The following SPATA16 variants were observed in gnomAD, a reference collection of about 807,000 sequenced individuals.
The protein encoded by SPATA16 is spermatogenesis associated 16.
A neutral mutation model predicts 63.3 loss-of-function variants in SPATA16; 36 were observed. The observed-to-expected ratio is 0.57, with a 90% CI of 0.44 to 0.75. The LOEUF (loss-of-function observed/expected upper bound fraction) is 0.75, where lower values mean the gene tolerates loss of function less well. Among genes scored for constraint, SPATA16 ranks in the 30% least tolerant of loss-of-function variants. The pLI, the probability that SPATA16 is intolerant of heterozygous loss-of-function variation, is 0.00. For synonymous variants in SPATA16, 203 were observed against 216.7 expected, an observed-to-expected ratio of 0.94 and a Z score of 0.56; for missense variants, 646 against 679.3, an observed-to-expected ratio of 0.95 and a Z score of 0.54.
intron 2 of SPATA16, among the ~76,000 whole-genome samples, chr3:173,057,095 A>ATTTTC (rs1056853600): frequency 6.9e-5 from 10 of 145,642 alleles, no homozygotes; most frequent in South Asian, 2.2e-4. Context: ...CAACTATAGT[A>ATTTTC]TTTTCTTTTC....
intron 6 of SPATA16, among the ~76,000 whole-genome samples, chr3:172,932,682 C>T (rs1286323104): frequency 2.6e-5 from 4 of 151,964 alleles, no homozygotes; most frequent in Non-Finnish European, 5.9e-5. Context: ...TATTGCCCCC[C>T]CATAAATAAT....
chr3:173,096,842 A>G (rs1054937021), intron 2 of SPATA16, among the ~76,000 whole-genome samples: 3 of 152,096 alleles, frequency 2.0e-5, no homozygotes, highest in Admixed American at 6.6e-5. Context: ...TAAAGGGAAT[A>G]TGTATCCTTA....
At chr3:173,016,482 G>A (rs746309447) in intron 4 of SPATA16, among the ~76,000 whole-genome samples, 1 of 152,094 alleles carries the variant, frequency 6.6e-6, no homozygotes, top group Non-Finnish European at 1.5e-5. Context: ...CCTTTATCTT[G>A]GATAAGATAT....
chr3:172,921,534 C>T (rs1048293197), intron 8 of SPATA16, among the ~76,000 whole-genome samples: 2 of 143,656 alleles, frequency 1.4e-5, no homozygotes, highest in Non-Finnish European at 1.5e-5. Context: ...CTGAGCAAAT[C>T]ACTGATCAAA....
intron 2 of SPATA16, among the ~76,000 whole-genome samples, chr3:173,109,213 T>A (rs1318675292): frequency 5.9e-5 from 9 of 152,078 alleles, no homozygotes; most frequent in Non-Finnish European, 1.2e-4. Context: ...TGGCCCCCTC[T>A]TCCACCCTTC....
rs1553790831 is a variant in SPATA16, at chr3:173,001,265, G to GTTTTTTTTTTTT, written c.848+18220_848+18221insAAAAAAAAAAAA. The stretch of plus-strand genomic sequence containing the variant: ...CTGTGAACTTGACCAATGCTTCTCA[G>GTTTTTTTTTTTT]TTGTTTTTTTTTTTTTGTTTTCACC... On this transcript the variant is annotated intron_variant, in intron 4 of 10. Transcript: ENST00000351008. Among the ~76,000 whole-genome samples the GTTTTTTTTTTTT allele has an allele frequency of 2.2e-5, 3 of 133,978 alleles. No homozygotes were observed. The South Asian group carries it at 6.5e-4, about 29-fold the overall frequency. 87.9% of individuals were successfully genotyped at this position (133,978 alleles called of 152,430 possible).
At chr3:172,894,470 CCT>C (rs779162294) in intron 10 of SPATA16, among the ~76,000 whole-genome samples, 7 of 131,484 alleles carry the variant, frequency 5.3e-5, no homozygotes, top group Non-Finnish European at 1.1e-4. Flanking sequence ...GGTACCTACC[CCT>C]GAGATTTTAC....
intron 10 of SPATA16, among the ~76,000 whole-genome samples, chr3:172,895,125 AT>A (rs1427504542): frequency 6.6e-6 from 1 of 152,162 alleles, no homozygotes; most frequent in East Asian, 1.9e-4. Context: ...GACTCAGCAT[AT>A]TTTTTACCCA....
chr3:172,900,629 G>GT (rs141299635), intron 10 of SPATA16, among the ~76,000 whole-genome samples: 9,295 of 150,500 alleles, frequency 0.062, 354 homozygotes, highest in South Asian at 0.12. Context: ...AAGAGGTAAT[G>GT]TTTTTTTTTG....
intron 2 of SPATA16, among the ~76,000 whole-genome samples, chr3:173,085,083 A>G (rs1173018136): frequency 6.6e-6 from 1 of 152,180 alleles, no homozygotes; most frequent in Non-Finnish European, 1.5e-5. Flanking sequence ...TGAAAATAAC[A>G]TTGAATCTAT....
At chr3:173,082,731 C>A (rs906263239) in intron 2 of SPATA16, among the ~76,000 whole-genome samples, 1 of 152,170 alleles carries the variant, frequency 6.6e-6, no homozygotes, top group African/African-American at 2.4e-5. Context: ...CTCTCTTTGC[C>A]TAGAAGAGAG....
intron 2 of SPATA16, among the ~76,000 whole-genome samples, chr3:173,096,747 T>C (rs941843885): frequency 1.3e-5 from 2 of 152,152 alleles, no homozygotes; most frequent in Non-Finnish European, 2.9e-5. Context: ...TATATCTGTA[T>C]TCATGCAAAA....
At chr3:172,999,969 C>T (rs1319276245) in intron 4 of SPATA16, among the ~76,000 whole-genome samples, 1 of 152,102 alleles carries the variant, frequency 6.6e-6, no homozygotes, top group Non-Finnish European at 1.5e-5. Context: ...TTTTCTGCCT[C>T]CTGGATCTGT....
intron 4 of SPATA16, among the ~76,000 whole-genome samples, chr3:172,982,153 G>A (rs925181008): frequency 3.9e-5 from 6 of 152,082 alleles, no homozygotes; most frequent in Non-Finnish European, 5.9e-5. Context: ...AAATAAATTC[G>A]ATGTTACAAA....
At chr3:173,016,332 CT>C (rs1259616053) in intron 4 of SPATA16, among the ~76,000 whole-genome samples, 2 of 152,180 alleles carry the variant, frequency 1.3e-5, no homozygotes, top group Non-Finnish European at 2.9e-5. Context: ...TCCAGCCTCT[CT>C]TGTTGAGAGT....
intron 10 of SPATA16, among the ~76,000 whole-genome samples, chr3:172,901,030 T>G (rs1330196014): frequency 6.6e-6 from 1 of 151,910 alleles, no homozygotes; most frequent in Non-Finnish European, 1.5e-5. Flanking sequence ...TCCAATAAAT[T>G]TTTTGTTATA....
chr3:172,981,651 C>G (rs1479027802), intron 4 of SPATA16, among the ~76,000 whole-genome samples: 1 of 152,174 alleles, frequency 6.6e-6, no homozygotes, highest in African/African-American at 2.4e-5. Context: ...TGAGAACTAC[C>G]CTGACCAGAT....
At chr3:172,929,062 G>A (rs1732805446) in intron 6 of SPATA16, among the ~76,000 whole-genome samples, 1 of 152,104 alleles carries the variant, frequency 6.6e-6, no homozygotes, top group African/African-American at 2.4e-5. Context: ...GGATATAAAA[G>A]TTAACCAGAT....
intron 4 of SPATA16, among the ~76,000 whole-genome samples, chr3:172,985,650 T>C (rs1734435709): frequency 6.6e-6 from 1 of 152,206 alleles, no homozygotes. Flanking sequence ...GAATTTTCAG[T>C]GCTGAGACCT....
Sources: allele counts gnomAD v4.1 joint callset (sites outside exome capture counted in the v4.1 genomes callset), GRCh38; gene constraint gnomAD v4.1.1; transcripts MANE v1.5; gene names NCBI Gene and HGNC (gene_info 2026-07-23, HGNC 2026-07-21).